The following CAMK4 variants were observed in gnomAD, a reference collection of about 807,000 sequenced individuals.
The protein encoded by CAMK4 is calcium/calmodulin-dependent protein kinase type IV.
In CAMK4, 22 loss-of-function variants were observed where a neutral mutation model predicts 44.9. That is an observed-to-expected ratio of 0.49 (90% CI 0.35 to 0.70). The LOEUF is 0.70. Ranked by LOEUF, CAMK4 falls within the 30% of genes least tolerant of loss-of-function variation. CAMK4 has a pLI of 0.01. For missense variants in CAMK4, 498 were observed against 586.8 expected (o/e 0.85, Z 1.56); for synonymous variants, 218 against 215.4 (o/e 1.01, Z -0.11).
chr5:111,261,887 T>C (rs748836675), intron 1 of CAMK4, among the ~76,000 whole-genome samples: 1 of 152,098 alleles, frequency 6.6e-6, no homozygotes, highest in Non-Finnish European at 1.5e-5. Context: ...TTTTTTTTCC[T>C]CTTTACATGC....
At chr5:111,430,815 A>G (rs184628451) in intron 5 of CAMK4, among the ~76,000 whole-genome samples, 1 of 152,308 alleles carries the variant, frequency 6.6e-6, no homozygotes, top group Admixed American at 6.5e-5. Context: ...ACACCAAGAA[A>G]TGGAAAAGTA....
chr5:111,229,779 C>T (rs1288317479), intron 1 of CAMK4, among the ~76,000 whole-genome samples: 1 of 152,164 alleles, frequency 6.6e-6, no homozygotes, highest in Non-Finnish European at 1.5e-5. Flanking sequence ...CCAACCCTGT[C>T]TTGTTCTCTG....
At chr5:111,315,899 C>T (rs746675749) in intron 1 of CAMK4, among the ~76,000 whole-genome samples, 28 of 152,030 alleles carry the variant, frequency 1.8e-4, no homozygotes, top group Non-Finnish European at 3.2e-4. Flanking sequence ...TCTTCAGAGG[C>T]AGGTTGGAAA....
At chr5:111,226,364 A>G (rs1293394481) in intron 1 of CAMK4, among the ~76,000 whole-genome samples, 1 of 152,232 alleles carries the variant, frequency 6.6e-6, no homozygotes, top group Non-Finnish European at 1.5e-5. Flanking sequence ...TTTATTTTTC[A>G]GTTCAGAATT....
At position 111,351,778 on chromosome 5, in the gene CAMK4, T is replaced by G. The variant is rs191784088; in HGVS notation, c.240+7676T>G. On this transcript the variant is annotated intron_variant, in intron 2 of 10. Transcript: ENST00000282356. ...ACTCATAAAAATAATATGTCATACT[T>G]TGTGAGGTAGGTGCTATCATTATTT... Among the ~76,000 whole-genome samples, 66 of 152,216 alleles carry G rather than the reference T, an allele frequency of 4.3e-4. 1 individual carries two copies. The East Asian group carries it at 9.9e-3, about 23-fold the overall frequency.
chr5:111,331,811 T>C (rs1358342789), intron 1 of CAMK4, among the ~76,000 whole-genome samples: 1 of 151,792 alleles, frequency 6.6e-6, no homozygotes, highest in Non-Finnish European at 1.5e-5. Flanking sequence ...AAATTTGTGC[T>C]ACCCAAAGTT....
chr5:111,354,442 C>CCA (rs1449570542), intron 2 of CAMK4, among the ~76,000 whole-genome samples: 2 of 27,052 alleles, frequency 7.4e-5, no homozygotes, highest in Admixed American at 3.6e-4. Context: ...AATATTCTCA[C>CCA]CACAAAAAAA....
chr5:111,436,036 C>A (rs1367228938), intron 5 of CAMK4, among the ~76,000 whole-genome samples: 1 of 152,072 alleles, frequency 6.6e-6, no homozygotes, highest in African/African-American at 2.4e-5. Flanking sequence ...AGACACCTAG[C>A]TTTTTCTGTT....
chr5:111,414,764 G>A (rs1282019078), intron 5 of CAMK4, among the ~76,000 whole-genome samples: 1 of 152,022 alleles, frequency 6.6e-6, no homozygotes, highest in Non-Finnish European at 1.5e-5. Context: ...AAAAAAGTCT[G>A]TTTATATTAG....
At chr5:111,388,736 G>T (rs948433279) in intron 4 of CAMK4, among the ~76,000 whole-genome samples, 5 of 152,092 alleles carry the variant, frequency 3.3e-5, no homozygotes, top group Admixed American at 1.3e-4. Flanking sequence ...CTACTGAGTG[G>T]CCAGCACATA....
In CAMK4 at chr5:111,458,811, G is replaced by A. The variant is rs181263698; in HGVS notation, c.625+9608G>A. Among the ~76,000 whole-genome samples the A allele has an allele frequency of 1.2e-4, 18 of 152,292 alleles. No homozygotes were observed. In the East Asian group the frequency reaches 3.3e-3, roughly 28 times the overall value. On this transcript the variant is annotated intron_variant, in intron 7 of 10. Transcript: ENST00000282356. The stretch of plus-strand genomic sequence containing the variant: ...GAAGGGGATGGGGCACACTAATCCT[G>A]AGGCAAGAACACACCAGGTGTCTTT...
chr5:111,237,800 A>G (rs1748796896), intron 1 of CAMK4, among the ~76,000 whole-genome samples: 1 of 152,210 alleles, frequency 6.6e-6, no homozygotes, highest in African/African-American at 2.4e-5. Flanking sequence ...GGGAAGGAAG[A>G]CCTAAGGAGA....
chr5:111,429,423 T>G (rs974044678), intron 5 of CAMK4, among the ~76,000 whole-genome samples: 1 of 152,002 alleles, frequency 6.6e-6, no homozygotes, highest in Non-Finnish European at 1.5e-5. Context: ...CCTACCAAGA[T>G]TGAATCAGAA....
At chr5:111,456,111 G>T (rs1367129972) in intron 7 of CAMK4, among the ~76,000 whole-genome samples, 1 of 151,974 alleles carries the variant, frequency 6.6e-6, no homozygotes, top group Non-Finnish European at 1.5e-5. Context: ...GTCCTCACAA[G>T]AGTAAGTCCT....
intron 2 of CAMK4, 143 bp from the exon 3 acceptor site, chr5:111,374,705 AAG>A (rs1751144325): frequency 1.6e-6 from 1 of 615,026 alleles, no homozygotes; most frequent in Non-Finnish European, 2.9e-6. Context: ...CTGAAAAAGA[AAG>A]AGAGGAAGGA....
At chr5:111,231,387 G>A (rs1748469488) in intron 1 of CAMK4, among the ~76,000 whole-genome samples, 1 of 152,168 alleles carries the variant, frequency 6.6e-6, no homozygotes, top group African/African-American at 2.4e-5. Context: ...ACTGTAGGAT[G>A]TTTAACAGTG....
chr5:111,308,976 A>G (rs1172855858), intron 1 of CAMK4, among the ~76,000 whole-genome samples: 1 of 152,164 alleles, frequency 6.6e-6, no homozygotes, highest in Non-Finnish European at 1.5e-5. Context: ...CCTTTGTACC[A>G]TAAACATGTA....
At chr5:111,405,335 G>C (rs1207927930) in intron 5 of CAMK4, among the ~76,000 whole-genome samples, 1 of 152,160 alleles carries the variant, frequency 6.6e-6, no homozygotes, top group Admixed American at 6.5e-5. Context: ...GGGCATGGTG[G>C]TGTGCGCCTA....
chr5:111,378,972 G>A (rs1168396122), intron 4 of CAMK4, among the ~76,000 whole-genome samples: 1 of 142,358 alleles, frequency 7.0e-6, no homozygotes, highest in Non-Finnish European at 1.5e-5. Flanking sequence ...GCCTATAATG[G>A]CTCCTTTTTC....
Sources: gnomAD v4.1 joint callset for allele counts (sites outside exome capture counted in the v4.1 genomes callset) on GRCh38, gnomAD v4.1.1 for gene constraint, MANE v1.5 for transcripts, NCBI Gene and HGNC (gene_info 2026-07-23, HGNC 2026-07-21) for gene names.